The following RIPOR2 variants were observed in gnomAD, a reference collection of about 807,000 sequenced individuals.
RIPOR2 encodes RHO family interacting cell polarization regulator 2, also known as rho family-interacting cell polarization regulator 2.
Under a neutral mutation model 114.5 loss-of-function variants are expected in RIPOR2, and 39 were observed. The ratio of observed to expected loss-of-function variants is 0.34; its 90% confidence interval spans 0.26 to 0.44. The LOEUF (loss-of-function observed/expected upper bound fraction) is 0.44. RIPOR2 is among the 20% of genes least tolerant of loss of function. RIPOR2 has a pLI of 1.00. For missense variants in RIPOR2, 1,007 were observed against 1,255.1 expected (o/e 0.80, Z 2.99); for synonymous variants, 445 against 484.4 (o/e 0.92, Z 1.07).
chr6:24,858,291 T>C lies in RIPOR2; in HGVS notation c.715+2682A>G, dbSNP rs939386255. Among the ~76,000 whole-genome samples the C allele has an allele frequency of 6.6e-6, 1 of 152,280 alleles. No individual in the cohort carries two copies. Among genetic ancestry groups the C allele is most frequent in the Admixed American group, 6.5e-5 (1 of 15,298 alleles). ...TAGCAGGCACTCAGTAAGTACTTGCTCTATTATCTTTAATGTCACTACCCC... is the reference window on the plus strand; with the variant it reads ...TAGCAGGCACTCAGTAAGTACTTGCCCTATTATCTTTAATGTCACTACCCC... On this transcript the variant is annotated intron_variant, in intron 8 of 21. Coordinates refer to ENST00000643898, the MANE Select transcript of RIPOR2 (RefSeq NM_001286445.3). The surrounding 1 kb of genome is among the most constrained non-coding windows in gnomAD (Gnocchi z 4.0).
At chr6:25,029,648 G>A (rs1776824108) in intron 1 of RIPOR2, among the ~76,000 whole-genome samples, 1 of 152,100 alleles carries the variant, frequency 6.6e-6, no homozygotes, top group South Asian at 2.1e-4. Flanking sequence ...CAGAAATAGA[G>A]ACAGCACTGG....
intron 1 of RIPOR2, chr6:25,024,503 C>T (rs1776506901): frequency 2.7e-6 from 2 of 746,766 alleles, no homozygotes; most frequent in African/African-American, 1.7e-5. Context: ...GGATTGGAGG[C>T]GCGAGTTCCC....
chr6:24,985,146 G>A (rs1351526248), intron 1 of RIPOR2, among the ~76,000 whole-genome samples: 1 of 152,100 alleles, frequency 6.6e-6, no homozygotes, highest in Non-Finnish European at 1.5e-5. Context: ...TTTTCCAGTT[G>A]GTAACAAAGA....
At chr6:25,015,313 A>C (rs1300925094) in intron 1 of RIPOR2, 1 of 152,244 alleles carries the variant, frequency 6.6e-6, no homozygotes, top group Non-Finnish European at 1.5e-5. Context: ...GCACATTTGT[A>C]CTCTGGTAAG....
chr6:24,916,822 T>C lies in RIPOR2; in HGVS notation c.61+19016A>G, dbSNP rs75519940. Among the ~76,000 whole-genome samples the C allele has an allele frequency of 6.8e-3, 1,039 of 152,290 alleles. 18 individuals are homozygous for C. The highest frequency in any genetic ancestry group is 0.022 in the African/African-American group (924 of 41,546). ...CCAACACTCTTGACATTTTAGTATG[T>C]CCCAAGAATGAATGTCCCGGAGGTT... On this transcript the variant is annotated intron_variant, in intron 1 of 21. Transcript: ENST00000643898.
At chr6:25,000,077 C>T (rs1775232132) in intron 1 of RIPOR2, among the ~76,000 whole-genome samples, 1 of 152,228 alleles carries the variant, frequency 6.6e-6, no homozygotes, top group South Asian at 2.1e-4. Context: ...CACCCAGGGC[C>T]ATTTGCATAT....
At chr6:24,893,670 A>C (rs990896257) in intron 1 of RIPOR2, among the ~76,000 whole-genome samples, 1 of 152,060 alleles carries the variant, frequency 6.6e-6, no homozygotes, top group Non-Finnish European at 1.5e-5. Context: ...CTAATTTTCC[A>C]CTCCACTCAG....
chr6:24,910,401 A>T (rs2114062549), intron 1 of RIPOR2: 2 of 152,328 alleles, frequency 1.3e-5, no homozygotes, highest in Middle Eastern at 3.4e-3. Flanking sequence ...AGGCTCTGCG[A>T]GTGCCGAAGT....
At chr6:24,822,628 C>G (rs1759799205) in intron 19 of RIPOR2, among the ~76,000 whole-genome samples, 1 of 152,184 alleles carries the variant, frequency 6.6e-6, no homozygotes, top group Non-Finnish European at 1.5e-5. Context: ...AAGCAATTCT[C>G]CTGCCTCAGC....
chr6:24,961,738 C>T (rs867475304), intron 1 of RIPOR2, among the ~76,000 whole-genome samples: 19 of 152,016 alleles, frequency 1.2e-4, no homozygotes, highest in Admixed American at 1.2e-3. Flanking sequence ...GATGCTCCTA[C>T]CTCAGCCTCC....
In RIPOR2 at chr6:24,848,153, G is replaced by C; in HGVS notation, c.1036C>G (p.Pro346Ala). The C allele has an allele frequency of 6.2e-7, 1 of 1,613,172 alleles. No homozygotes were observed. The highest frequency in any genetic ancestry group is 8.5e-7 in the Non-Finnish European group (1 of 1,179,578). ...IKLNLEITWY[P>A]FDVEDMTASS... ...GCGGTCATGTCCTCCACGTCAAATG[G>C]ACTGCAAAACAACAGGTCCCCAGGT... The change falls in exon 12 of 22, where the codon CCA (proline) becomes GCA (alanine). Residue 346 changes from proline (P) to alanine (A), a missense_variant and splice_region_variant. By Grantham distance (27) the Pro-to-Ala change is conservative (BLOSUM62 -1). Coordinates refer to ENST00000643898, the MANE Select transcript of RIPOR2 (RefSeq NM_001286445.3).
At chr6:24,844,888 T>A (rs1762103269) in intron 12 of RIPOR2, among the ~76,000 whole-genome samples, 1 of 152,096 alleles carries the variant, frequency 6.6e-6, no homozygotes, top group Admixed American at 6.6e-5. Context: ...TTCTCAAAAT[T>A]TGCTGGGAAT....
At chr6:24,979,880 C>T (rs188191907) in intron 1 of RIPOR2, among the ~76,000 whole-genome samples, 1 of 152,324 alleles carries the variant, frequency 6.6e-6, no homozygotes, top group Non-Finnish European at 1.5e-5. Flanking sequence ...AATAGAGATA[C>T]ATCCTTCATA....
intron 13 of RIPOR2, chr6:24,840,237 C>T (rs1358079044): frequency 2.0e-6 from 2 of 1,007,186 alleles, no homozygotes; most frequent in East Asian, 2.1e-4. Context: ...AGCCACCGCA[C>T]CTGCTCACAG....
intron 8 of RIPOR2, among the ~76,000 whole-genome samples, chr6:24,854,566 T>C (rs62402000): frequency 0.15 from 23,097 of 152,226 alleles, 1,892 homozygotes; most frequent in East Asian, 0.24. Flanking sequence ...TAGTCAGCTG[T>C]TGTTTTCCTG....
rs552448865 is a variant in RIPOR2, at chr6:24,914,067, G to C, written c.61+21771C>G. Among the ~76,000 whole-genome samples the C allele has an allele frequency of 1.7e-4, 26 of 152,312 alleles. 1 individual carries two copies. In the South Asian group the frequency reaches 4.6e-3, roughly 27 times the overall value. ...ACACCCCTAATGGCCGGGCATGGTGGCTCATGCCTATAATCCCAGCACTTT... is the reference window on the plus strand; with the variant it reads ...ACACCCCTAATGGCCGGGCATGGTGCCTCATGCCTATAATCCCAGCACTTT... On this transcript the variant is annotated intron_variant, in intron 1 of 21. Transcript: ENST00000643898.
chr6:24,845,900 G>A (rs1470057400), intron 12 of RIPOR2, among the ~76,000 whole-genome samples: 1 of 152,148 alleles, frequency 6.6e-6, no homozygotes, highest in East Asian at 1.9e-4. Flanking sequence ...AAAGGAGGTG[G>A]TGCATTTGGA....
At chr6:24,984,820 G>A (rs1581913446) in intron 1 of RIPOR2, among the ~76,000 whole-genome samples, 1 of 152,276 alleles carries the variant, frequency 6.6e-6, no homozygotes, top group Non-Finnish European at 1.5e-5. Flanking sequence ...TAGTGATAGA[G>A]GAAAAGAGGG....
At chr6:25,026,911 C>T (rs1271977129) in intron 1 of RIPOR2, among the ~76,000 whole-genome samples, 1 of 152,168 alleles carries the variant, frequency 6.6e-6, no homozygotes, top group Admixed American at 6.5e-5. Context: ...CTGCCATGCT[C>T]CACAGGCCCT....
Sources: gnomAD v4.1 joint callset for allele counts (sites outside exome capture counted in the v4.1 genomes callset) on GRCh38, gnomAD v4.1.1 for gene constraint, Gnocchi (gnomAD v3.1) non-coding constraint, MANE v1.5 for transcripts, NCBI Gene and HGNC (gene_info 2026-07-23, HGNC 2026-07-21) for gene names.